Variants in OR1J4 observed in about 807,000 individuals in gnomAD.
The protein encoded by OR1J4 is olfactory receptor family 1 subfamily J member 4, also known as olfactory receptor 1J4.
For synonymous variants in OR1J4, 154 were observed against 152.6 expected (o/e 1.01, Z -0.07); for missense variants, 350 against 371.1 (o/e 0.94, Z 0.47).
rs756769233 is a variant in OR1J4, at chr9:122,519,988, C to T, written c.848C>T (p.Pro283Leu). The change falls in exon 1 of 1, where the codon CCA becomes CTA. Residue 283 changes from proline (P) to leucine (L), a missense_variant. Physicochemically the swap from Pro to Leu is moderately conservative, Grantham distance 98. Transcript: ENST00000340750. ...IASVMYTVITPLLNPFIYSLR... is the reference protein window; with the variant it reads ...IASVMYTVITLLLNPFIYSLR... ...TCTGTGATGTACACGGTGATCACCC[C>T]ATTGCTGAATCCCTTCATTTATAGC... 6.2e-7 allele frequency: 1 copy of T among 1,614,154 alleles called. No individual in the cohort carries two copies. Among genetic ancestry groups the T allele is most frequent in the African/African-American group, 1.3e-5 (1 of 75,038 alleles).
rs761707348 is a variant in OR1J4 at position 122,519,176 on chromosome 9, C to T, written c.36C>T (p.Phe12=). Residue 12 remains phenylalanine, a synonymous_variant, in exon 1 of 1, where the codon TTC becomes TTT. Transcript: ENST00000340750. ...KRENQSSVSE[F]LLLDLPIWPE... ...AGAATCAGAGCAGTGTGTCTGAGTTCCTCCTCCTGGACCTCCCCATCTGGC... is the reference window on the plus strand; with the variant it reads ...AGAATCAGAGCAGTGTGTCTGAGTTTCTCCTCCTGGACCTCCCCATCTGGC... 32 of 1,611,662 alleles carry T rather than the reference C, an allele frequency of 2.0e-5. No homozygotes were observed. In the South Asian group the frequency reaches 3.3e-4, roughly 17 times the overall value.
At position 122,519,569 on chromosome 9, in the gene OR1J4, A is replaced by C. The variant is rs1474850700; in HGVS notation, c.429A>C (p.Leu143Phe). ...TCATGAAAGAGGGACTGTGTAACTTACTAGTCACTGTGTCCTGGATCCTCT... is the reference window on the plus strand; with the variant it reads ...TCATGAAAGAGGGACTGTGTAACTTCCTAGTCACTGTGTCCTGGATCCTCT... ...TTIMKEGLCNLLVTVSWILSC... is the reference protein window; with the variant it reads ...TTIMKEGLCNFLVTVSWILSC... Residue 143 changes from leucine (L) to phenylalanine (F), a missense_variant, in exon 1 of 1, where the codon TTA becomes TTC. Physicochemically the swap from Leu to Phe is conservative, Grantham distance 22 (BLOSUM62 0). Transcript: ENST00000340750. 1 of 1,614,022 alleles carries C rather than the reference A, an allele frequency of 6.2e-7. No homozygotes were observed. Among genetic ancestry groups the C allele is most frequent in the East Asian group, 2.2e-5 (1 of 44,882 alleles).
chr9:122,519,793 A>G lies in OR1J4; in HGVS notation c.653A>G (p.Tyr218Cys), dbSNP rs926643150. ...CCACTAATATGCATCTTGATCTCTT[A>G]TGGCCACATTGGGGTCACCATCCTC... ...TLPLICILIS[Y>C]GHIGVTILKA... is the part of the protein sequence containing the mutation. Residue 218 changes from tyrosine (Y) to cysteine (C), a missense_variant, in exon 1 of 1, where the codon TAT becomes TGT. Physicochemically the swap from Tyr to Cys is radical, Grantham distance 194. Coordinates refer to ENST00000340750, the MANE Select transcript of OR1J4 (RefSeq NM_001004452.1). 4 of 1,614,148 alleles carry G rather than the reference A, an allele frequency of 2.5e-6. No homozygotes were observed. Among genetic ancestry groups the G allele is most frequent in the African/African-American group, 1.3e-5 (1 of 75,032 alleles).
At position 122,519,728 on chromosome 9, in the gene OR1J4, G is replaced by A; in HGVS notation, c.588G>A (p.Glu196=). ...KLSCSDISLN[E]LVIFTVGQAV... ...CATGCTCAGACATCTCCCTCAATGA[G>A]CTGGTCATTTTCACAGTGGGACAGG... is the stretch of plus-strand genomic sequence containing the variant. Residue 196 remains glutamate, a synonymous_variant, in exon 1 of 1, where the codon GAG becomes GAA. Coordinates refer to ENST00000340750, the MANE Select transcript of OR1J4 (RefSeq NM_001004452.1). 1 of 1,614,058 alleles carries A rather than the reference G, an allele frequency of 6.2e-7. No homozygotes were observed. The highest frequency in any genetic ancestry group is 1.1e-5 in the South Asian group (1 of 91,076).
At position 122,519,995 on chromosome 9, in the gene OR1J4, G is replaced by A; in HGVS notation, c.855G>A (p.Leu285=). Residue 285 remains leucine, a synonymous_variant, in exon 1 of 1, where the codon CTG becomes CTA. Coordinates refer to ENST00000340750, the MANE Select transcript of OR1J4 (RefSeq NM_001004452.1). ...SVMYTVITPL[L]NPFIYSLRNR... is the part of the protein sequence containing the mutation. ...TGTACACGGTGATCACCCCATTGCT[G>A]AATCCCTTCATTTATAGCCTAAGGA... 6.2e-7 allele frequency: 1 copy of A among 1,614,144 alleles called. No individual in the cohort carries two copies. The highest frequency in any genetic ancestry group is 2.2e-5 in the East Asian group (1 of 44,882).
Position 122,519,265 on chromosome 9 carries a change from ACCTGCTCATCAT to A in OR1J4, c.136_147del (p.Ile46_Ile49del), listed in dbSNP as rs772165304. ...ATGTACCTGATCACGGTGCTGGGGA[ACCTGCTCATCAT>A]CCTGCTCATCCGGCTGGACTCTCAC... On this transcript the variant is annotated inframe_deletion, in exon 1 of 1. Coordinates refer to ENST00000340750, the MANE Select transcript of OR1J4 (RefSeq NM_001004452.1). 1.3e-5 allele frequency: 21 copies of A among 1,613,748 alleles called. No homozygotes were observed. The highest frequency in any genetic ancestry group is 1.8e-5 in the Non-Finnish European group (21 of 1,179,988).
Position 122,519,378 on chromosome 9 carries a change from A to C in OR1J4, c.238A>C (p.Lys80Gln), listed in dbSNP as rs368958382. ...CTCCCTTTCATCTGTCACTGTCCCAAAGATGTTATTAAGCATGCAAACTCA... is the reference window on the plus strand; with the variant it reads ...CTCCCTTTCATCTGTCACTGTCCCACAGATGTTATTAAGCATGCAAACTCA... ...DISLSSVTVP[K>Q]MLLSMQTQDQ... Residue 80 changes from lysine to glutamine, a missense_variant, in exon 1 of 1, where the codon AAG becomes CAG. Transcript: ENST00000340750. The C allele has an allele frequency of 1.2e-6, 2 of 1,614,016 alleles. No homozygotes were observed. Among genetic ancestry groups the C allele is most frequent in the Non-Finnish European group, 1.7e-6 (2 of 1,180,030 alleles).
chr9:122,519,500 C>T lies in OR1J4; in HGVS notation c.360C>T (p.Tyr120=), dbSNP rs114933427. The T allele has an allele frequency of 1.8e-3, 2,941 of 1,614,078 alleles. 42 individuals carry two copies. In the African/African-American group the frequency reaches 0.034, roughly 18 times the overall value. Residue 120 remains tyrosine (Y), a synonymous_variant, in exon 1 of 1, where the codon TAC becomes TAT. Transcript: ENST00000340750. The part of the protein sequence containing the change: ...LDNFLLTSMA[Y]DRYVAICHPL... Reference sequence around the variant, plus strand: ...ATTTCCTTCTCACTTCAATGGCATACGATCGGTATGTGGCCATCTGTCACC... The same window carrying T: ...ATTTCCTTCTCACTTCAATGGCATATGATCGGTATGTGGCCATCTGTCACC...
chr9:122,519,604 A>C lies in OR1J4; in HGVS notation c.464A>C (p.Asn155Thr). 1.2e-6 allele frequency: 2 copies of C among 1,613,952 alleles called. No homozygotes were observed. The highest frequency in any genetic ancestry group is 1.7e-6 in the Non-Finnish European group (2 of 1,179,968). ...VTVSWILSCT[N>T]ALSHTLLLAQ... ...GTGTCCTGGATCCTCTCCTGTACCA[A>C]TGCCCTGTCTCACACTCTCCTCCTG... The change falls in exon 1 of 1, where the codon AAT (asparagine) becomes ACT (threonine). Residue 155 changes from asparagine (N) to threonine (T), a missense_variant. Asn to Thr is a moderately conservative substitution (Grantham distance 65, BLOSUM62 0). Coordinates refer to ENST00000340750, the MANE Select transcript of OR1J4 (RefSeq NM_001004452.1).
Position 122,519,165 on chromosome 9 carries a change from G to A in OR1J4, c.25G>A (p.Val9Met), listed in dbSNP as rs768754755. 82 of 1,609,076 alleles carry A rather than the reference G, an allele frequency of 5.1e-5. No individual in the cohort carries two copies. The highest frequency in any genetic ancestry group is 6.7e-5 in the Non-Finnish European group (79 of 1,176,314). ...CATGAAGAGGGAGAATCAGAGCAGT[G>A]TGTCTGAGTTCCTCCTCCTGGACCT... is the stretch of plus-strand genomic sequence containing the variant. The part of the protein sequence containing the change: MKRENQSS[V>M]SEFLLLDLPI... Residue 9 changes from valine (V) to methionine (M), a missense_variant, in exon 1 of 1, where the codon GTG (valine) becomes ATG (methionine). Coordinates refer to ENST00000340750, the MANE Select transcript of OR1J4 (RefSeq NM_001004452.1).
In OR1J4 at chr9:122,519,462, A is replaced by G. The variant is rs1275656443; in HGVS notation, c.322A>G (p.Thr108Ala). ...TCAGATGTATTTTTTCATATTTTTC[A>G]CTGATCTAGACAATTTCCTTCTCAC... is the stretch of plus-strand genomic sequence containing the variant. ...VTQMYFFIFF[T>A]DLDNFLLTSM... Residue 108 changes from threonine (T) to alanine (A), a missense_variant, in exon 1 of 1, where the codon ACT becomes GCT. Coordinates refer to ENST00000340750, the MANE Select transcript of OR1J4 (RefSeq NM_001004452.1). 1 of 1,613,874 alleles carries G rather than the reference A, an allele frequency of 6.2e-7. No homozygotes were observed. Among genetic ancestry groups the G allele is most frequent in the Admixed American group, 1.7e-5 (1 of 59,990 alleles).
At position 122,519,933 on chromosome 9, in the gene OR1J4, A is replaced by G. The variant is rs1327423482; in HGVS notation, c.793A>G (p.Ser265Gly). The change falls in exon 1 of 1, where the codon AGT (serine) becomes GGT (glycine). Residue 265 changes from serine (S) to glycine (G), a missense_variant. Coordinates refer to ENST00000340750, the MANE Select transcript of OR1J4 (RefSeq NM_001004452.1). Reference sequence around the variant, plus strand: ...TGGACTGTATTTTCTCCCCTCATCCAGTGCCTCCAGTGACAAGGACGTAAT... The same window carrying G: ...TGGACTGTATTTTCTCCCCTCATCCGGTGCCTCCAGTGACAAGGACGTAAT... ...IIGLYFLPSS[S>G]ASSDKDVIAS... 8 of 1,614,012 alleles carry G rather than the reference A, an allele frequency of 5.0e-6. No individual in the cohort carries two copies. Among genetic ancestry groups the G allele is most frequent in the South Asian group, 2.2e-5 (2 of 91,080 alleles).
chr9:122,519,825 C>T lies in OR1J4; in HGVS notation c.685C>T (p.Pro229Ser), dbSNP rs142848967. Residue 229 changes from proline to serine, a missense_variant, in exon 1 of 1, where the codon CCA becomes TCA. Coordinates refer to ENST00000340750, the MANE Select transcript of OR1J4 (RefSeq NM_001004452.1). ...GHIGVTILKA[P>S]STKGIFKALS... Reference sequence around the variant, plus strand: ...CATTGGGGTCACCATCCTCAAGGCTCCATCTACTAAGGGCATCTTCAAAGC... The same window carrying T: ...CATTGGGGTCACCATCCTCAAGGCTTCATCTACTAAGGGCATCTTCAAAGC... The T allele has an allele frequency of 3.7e-6, 6 of 1,614,182 alleles. No individual in the cohort carries two copies. In the South Asian group the frequency reaches 5.5e-5, roughly 15 times the overall value.
chr9:122,519,856 C>G lies in OR1J4; in HGVS notation c.716C>G (p.Ser239Cys). The change falls in exon 1 of 1, where the codon TCC becomes TGC. Residue 239 changes from serine to cysteine, a missense_variant. Transcript: ENST00000340750. ...ACTAAGGGCATCTTCAAAGCTTTGT[C>G]CACCTGTGGCTCTCACCTCTCTGTG... ...PSTKGIFKAL[S>C]TCGSHLSVVS... 6.2e-7 allele frequency: 1 copy of G among 1,614,122 alleles called. No individual in the cohort carries two copies. The highest frequency in any genetic ancestry group is 8.5e-7 in the Non-Finnish European group (1 of 1,180,004).
Sources: allele counts gnomAD v4.1 joint callset, GRCh38; gene constraint gnomAD v4.1.1; transcripts MANE v1.5; gene names NCBI Gene and HGNC (gene_info 2026-07-23, HGNC 2026-07-21).